USF3: variants seen among roughly 807,000 people sequenced by gnomAD.
USF3 encodes the protein basic helix-loop-helix domain-containing protein USF3.
In USF3, 29 loss-of-function variants were observed where a neutral mutation model predicts 157.5. That is an observed-to-expected ratio of 0.18 (90% CI 0.14 to 0.25). The LOEUF (loss-of-function observed/expected upper bound fraction) is 0.25. Among genes scored for constraint, USF3 ranks in the 10% least tolerant of loss-of-function variants. The pLI is 1.00. For missense variants in USF3, 2,381 were observed against 2,667.6 expected (o/e 0.89, Z 2.37); for synonymous variants, 893 against 941.4 (o/e 0.95, Z 0.94).
At position 113,648,551 on chromosome 3, in the gene USF3, T is replaced by TA. The variant is rs1947204838; in HGVS notation, c.*6392dup. 6.6e-6 allele frequency: 1 copy of TA among 152,604 alleles called. No individual in the cohort carries two copies. Among genetic ancestry groups the TA allele is most frequent in the Admixed American group, 6.5e-5 (1 of 15,276 alleles). The allele number at this position is 152,604 out of a possible 1,614,324, so 9.5% of individuals were successfully genotyped here. A position where few individuals can be genotyped will look rare whatever the true frequency, so the allele number is the denominator to read the frequency against. ...TTCACACCCTAATACAATGCATTTG[T>TA]AAAAAGATGTCAAAATAAACAGGAC... is the stretch of plus-strand genomic sequence containing the variant. On this transcript the variant is annotated 3_prime_UTR_variant, in exon 7 of 7. Coordinates refer to ENST00000316407, the MANE Select transcript of USF3 (RefSeq NM_001009899.4).
rs1947234395 is a variant in USF3, at chr3:113,650,046, T to C, written c.*4898A>G. The C allele has an allele frequency of 6.7e-6, 4 of 593,534 alleles. No individual in the cohort carries two copies. Among genetic ancestry groups the C allele is most frequent in the East Asian group, 2.8e-5 (1 of 35,554 alleles). 36.8% of individuals were successfully genotyped at this position (593,534 alleles called of 1,614,324 possible). A position where few individuals can be genotyped will look rare whatever the true frequency, so the allele number is the denominator to read the frequency against. On this transcript the variant is annotated 3_prime_UTR_variant, in exon 7 of 7. Coordinates refer to ENST00000316407, the MANE Select transcript of USF3 (RefSeq NM_001009899.4). ...AGATTAACTTCACTAGTTTGTCTGG[T>C]TGTTGGCTATTACTGTTGCCCTCTG...
rs1300293506 is a variant in USF3 at position 113,649,221 on chromosome 3, G to T, written c.*5723C>A. 1 of 152,248 alleles carries T rather than the reference G, an allele frequency of 6.6e-6. No individual in the cohort carries two copies. The highest frequency in any genetic ancestry group is 1.5e-5 in the Non-Finnish European group (1 of 68,118). 9.4% of individuals were successfully genotyped at this position (152,248 alleles called of 1,614,324 possible). On this transcript the variant is annotated 3_prime_UTR_variant, in exon 7 of 7. Coordinates refer to ENST00000316407, the MANE Select transcript of USF3 (RefSeq NM_001009899.4). ...ACACAACTGAGGGAAAGAAATTAAAGATCATCTTTTCTAAAAATGTGTTAA... is the reference window on the plus strand; with the variant it reads ...ACACAACTGAGGGAAAGAAATTAAATATCATCTTTTCTAAAAATGTGTTAA...
In USF3 at chr3:113,659,217, T is replaced by C; in HGVS notation, c.2465A>G (p.Lys822Arg). ...CPLNSVRDVS[K>R]LDCPNTEGSA... ...GCCTTCAGTGTTGGGGCAGTCTAAC[T>C]TGCTCACATCTCTGACTGAATTCAG... The change falls in exon 7 of 7, where the codon AAG (lysine) becomes AGG (arginine). Residue 822 changes from lysine to arginine, a missense_variant. This residue lies in a region of USF3 where 1,435 missense variants were observed against 1,550.9 expected (regional missense o/e 0.93). Coordinates refer to ENST00000316407, the MANE Select transcript of USF3 (RefSeq NM_001009899.4). 3 of 1,614,198 alleles carry C rather than the reference T, an allele frequency of 1.9e-6. No individual in the cohort carries two copies. The highest frequency in any genetic ancestry group is 2.5e-6 in the Non-Finnish European group (3 of 1,180,030).
Position 113,659,593 on chromosome 3 carries a change from C to T in USF3, c.2089G>A (p.Glu697Lys), listed in dbSNP as rs1161635001. The change falls in exon 7 of 7, where the codon GAA (glutamate) becomes AAA (lysine). Residue 697 changes from glutamate (E) to lysine (K), a missense_variant. This residue lies in a region of USF3 where 1,435 missense variants were observed against 1,550.9 expected (regional missense o/e 0.93). Transcript: ENST00000316407. ...AGGGCAACATTGGTATTTGGATCTT[C>T]GCTGGTGGTGGGTTGAATAATTTGC... is the stretch of plus-strand genomic sequence containing the variant. ...PMQIIQPTTSEDPNTNVALNT... is the reference protein window; with the variant it reads ...PMQIIQPTTSKDPNTNVALNT... 10 of 1,613,850 alleles carry T rather than the reference C, an allele frequency of 6.2e-6. No individual in the cohort carries two copies. Among genetic ancestry groups the T allele is most frequent in the African/African-American group, 1.3e-5 (1 of 74,924 alleles).
chr3:113,692,313 T>C (rs1249633483), intron 1 of USF3, among the ~76,000 whole-genome samples: 2 of 152,198 alleles, frequency 1.3e-5, no homozygotes, highest in African/African-American at 2.4e-5. Flanking sequence ...CACCAGACTA[T>C]AATAAATGGT....
chr3:113,650,059 C>T lies in USF3; in HGVS notation c.*4885G>A, dbSNP rs1947234622. 1 of 580,942 alleles carries T rather than the reference C, an allele frequency of 1.7e-6. No homozygotes were observed. Among genetic ancestry groups the T allele is most frequent in the South Asian group, 2.1e-5 (1 of 46,788 alleles). 36.0% of individuals were successfully genotyped at this position (580,942 alleles called of 1,614,324 possible). On this transcript the variant is annotated 3_prime_UTR_variant, in exon 7 of 7. Transcript: ENST00000316407. ...TAGTTTGTCTGGTTGTTGGCTATTA[C>T]TGTTGCCCTCTGGATGTACACAGCC...
Position 113,656,089 on chromosome 3 carries a change from C to T in USF3, c.5593G>A (p.Val1865Ile). ...CTCTCACTCTCTCTTCTAATATGGA[C>T]ATTTTCATGAGTTGGGGGACAATTA... Reference protein sequence around the residue: ...EYNCPPTHENVHIRRESESQN... With the variant: ...EYNCPPTHENIHIRRESESQN... The change falls in exon 7 of 7, where the codon GTC becomes ATC. Residue 1865 changes from valine to isoleucine, a missense_variant. This residue lies in a region of USF3 where 770 missense variants were observed against 824.2 expected (regional missense o/e 0.93). Coordinates refer to ENST00000316407, the MANE Select transcript of USF3 (RefSeq NM_001009899.4). 6.2e-7 allele frequency: 1 copy of T among 1,614,144 alleles called. No individual in the cohort carries two copies. The highest frequency in any genetic ancestry group is 8.5e-7 in the Non-Finnish European group (1 of 1,180,002).
In USF3 at chr3:113,657,440, C is replaced by T; in HGVS notation, c.4242G>A (p.Arg1414=). ...PSNNFVTPAL[R]QTEVQCGSQP... ...GAGAACCACACTGAACTTCAGTTTG[C>T]CTCAATGCAGGAGTCACAAAGTTGT... Residue 1414 remains arginine, a synonymous_variant, in exon 7 of 7, where the codon AGG becomes AGA. Transcript: ENST00000316407. 1.2e-6 allele frequency: 2 copies of T among 1,614,088 alleles called. No homozygotes were observed. The highest frequency in any genetic ancestry group is 1.7e-6 in the Non-Finnish European group (2 of 1,180,020).
intron 5 of USF3, 73 bp from the exon 6 acceptor site, chr3:113,664,482 T>A (rs1248149907): frequency 1.3e-6 from 1 of 765,540 alleles, no homozygotes; most frequent in African/African-American, 1.8e-5. Context: ...ACTTTAAGCT[T>A]TGTCTTTATC....
In USF3 at chr3:113,654,771, T is replaced by G. The variant is rs1239625156; in HGVS notation, c.*173A>C. 1.6e-6 allele frequency: 1 copy of G among 628,018 alleles called. No individual in the cohort carries two copies. Among genetic ancestry groups the G allele is most frequent in the East Asian group, 2.9e-5 (1 of 34,110 alleles). The allele number at this position is 628,018 out of a possible 1,614,324, so 38.9% of individuals were successfully genotyped here. ...TGAAAACGAAAGATAACTTGTTTTC[T>G]GACAACCCAGTATCTGCATCTGACA... On this transcript the variant is annotated 3_prime_UTR_variant, in exon 7 of 7. Transcript: ENST00000316407.
At chr3:113,664,785 A>G (rs1947538554) in intron 5 of USF3, among the ~76,000 whole-genome samples, 1 of 152,306 alleles carries the variant, frequency 6.6e-6, no homozygotes, top group South Asian at 2.1e-4. Context: ...CCTAAAATTC[A>G]TATGTCTAAA....
In USF3 at chr3:113,661,255, C is replaced by A. The variant is rs371565004; in HGVS notation, c.427G>T (p.Val143Phe). 42 of 1,613,614 alleles carry A rather than the reference C, an allele frequency of 2.6e-5. No individual in the cohort carries two copies. The East Asian group carries it at 7.8e-4, about 30-fold the overall frequency. ...KVSVVIPSDQ[V>F]QKKIIVYSNG... ...GAATAAACAATAATTTTTTTTTGAA[C>A]CTGGTCACTAGGAATAACAACAGAG... is the stretch of plus-strand genomic sequence containing the variant. Residue 143 changes from valine (V) to phenylalanine (F), a missense_variant, in exon 7 of 7, where the codon GTT becomes TTT. Physicochemically the swap from Val to Phe is conservative, Grantham distance 50. Transcript: ENST00000316407.
intron 1 of USF3, among the ~76,000 whole-genome samples, chr3:113,693,989 A>C (rs776213170): frequency 6.6e-6 from 1 of 152,264 alleles, no homozygotes; most frequent in Non-Finnish European, 1.5e-5. Flanking sequence ...GTTCTCAGCC[A>C]GGGCTACTGA....
At chr3:113,686,131 C>T (rs1707540501) in intron 1 of USF3, among the ~76,000 whole-genome samples, 1 of 152,132 alleles carries the variant, frequency 6.6e-6, no homozygotes, top group Non-Finnish European at 1.5e-5. Context: ...CACTTTAGCC[C>T]TCAGTGGTGG....
At chr3:113,677,128 A>G (rs970112064) in intron 2 of USF3, among the ~76,000 whole-genome samples, 154 bp downstream of exon 2, 1 of 152,176 alleles carries the variant, frequency 6.6e-6, no homozygotes, top group Non-Finnish European at 1.5e-5. Context: ...ATCAAGACCC[A>G]TGTCCAGCAG....
chr3:113,668,876 G>T (rs572700705), intron 5 of USF3, among the ~76,000 whole-genome samples: 1 of 152,238 alleles, frequency 6.6e-6, no homozygotes, highest in African/African-American at 2.4e-5. Context: ...GAGGTCAACT[G>T]GTTGAGAATG....
At position 113,660,126 on chromosome 3, in the gene USF3, G is replaced by A. The variant is rs1345475260; in HGVS notation, c.1556C>T (p.Pro519Leu). Residue 519 changes from proline to leucine, a missense_variant, in exon 7 of 7, where the codon CCT becomes CTT. Physicochemically the swap from Pro to Leu is moderately conservative, Grantham distance 98. Around this residue, in one of 6 missense-constraint regions of USF3, gnomAD observed 1,435 missense variants for 1,550.9 expected, o/e 0.93. Coordinates refer to ENST00000316407, the MANE Select transcript of USF3 (RefSeq NM_001009899.4). ...ATTCAGTGGAAGGATATTTTTGGGA[G>A]GCTGAGATTTAACTTGTGGCTGGGC... ...LIAQPQVKSQPPKNILPLNSA... is the reference protein window; with the variant it reads ...LIAQPQVKSQLPKNILPLNSA... 1.4e-5 allele frequency: 23 copies of A among 1,614,080 alleles called. No individual in the cohort carries two copies. The Admixed American group carries it at 3.5e-4, about 25-fold the overall frequency.
chr3:113,688,556 G>A (rs1707610460), intron 1 of USF3, among the ~76,000 whole-genome samples: 1 of 152,232 alleles, frequency 6.6e-6, no homozygotes, highest in South Asian at 2.1e-4. Flanking sequence ...TATATAGGAT[G>A]TAGTGTTCTT....
intron 1 of USF3, among the ~76,000 whole-genome samples, chr3:113,692,520 A>T (rs1707707880): frequency 1.3e-5 from 2 of 152,112 alleles, no homozygotes; most frequent in Admixed American, 6.6e-5. Flanking sequence ...TGTATTAATC[A>T]TTATGTCATA....
Sources: gnomAD v4.1 joint callset for allele counts (sites outside exome capture counted in the v4.1 genomes callset) on GRCh38, gnomAD v4.1.1 for gene constraint, gnomAD v4.1.1 regional missense constraint, MANE v1.5 for transcripts, NCBI Gene and HGNC (gene_info 2026-07-23, HGNC 2026-07-21) for gene names.